The following HS6ST3 variants were observed in gnomAD, a reference collection of about 807,000 sequenced individuals.
HS6ST3 encodes heparan-sulfate 6-O-sulfotransferase 3.
In HS6ST3, 12 loss-of-function variants were observed where a neutral mutation model predicts 36.7. That is an observed-to-expected ratio of 0.33 (90% CI 0.21 to 0.53). HS6ST3 has a LOEUF of 0.53. Ranked by LOEUF, HS6ST3 falls within the 20% of genes least tolerant of loss-of-function variation. The pLI is 0.95. For synonymous variants in HS6ST3, 240 were observed against 257.5 expected (o/e 0.93, Z 0.65); for missense variants, 584 against 640.9 (o/e 0.91, Z 0.96).
chr13:96,633,211 A>G (rs2139002003), intron 1 of HS6ST3, among the ~76,000 whole-genome samples: 1 of 152,312 alleles, frequency 6.6e-6, no homozygotes, highest in Non-Finnish European at 1.5e-5. Context: ...AAAGGCAGGA[A>G]CATAAATGGG....
chr13:96,150,544 A>C (rs1382796555), intron 1 of HS6ST3, among the ~76,000 whole-genome samples: 1 of 152,126 alleles, frequency 6.6e-6, no homozygotes, highest in Non-Finnish European at 1.5e-5. Flanking sequence ...AAAAATAGTT[A>C]AATGGAGATA....
intron 1 of HS6ST3, among the ~76,000 whole-genome samples, chr13:96,450,321 A>G (rs2055721410): frequency 6.6e-6 from 1 of 152,080 alleles, no homozygotes; most frequent in Non-Finnish European, 1.5e-5. Context: ...AGGAACTTTT[A>G]TGATTTGTTT....
chr13:96,352,958 G>C (rs1475234558), intron 1 of HS6ST3, among the ~76,000 whole-genome samples: 2 of 151,800 alleles, frequency 1.3e-5, no homozygotes, highest in Non-Finnish European at 2.9e-5. Context: ...GCAGAGCCAG[G>C]ACTTGAACCC....
chr13:96,376,641 C>T (rs1178721908), intron 1 of HS6ST3, among the ~76,000 whole-genome samples: 1 of 152,106 alleles, frequency 6.6e-6, no homozygotes, highest in Non-Finnish European at 1.5e-5. Flanking sequence ...TTATCTATGA[C>T]CTGCAGTAAG....
intron 1 of HS6ST3, among the ~76,000 whole-genome samples, chr13:96,363,162 G>A (rs1306584029): frequency 6.6e-6 from 1 of 152,044 alleles, no homozygotes; most frequent in African/African-American, 2.4e-5. Flanking sequence ...ACACACACGA[G>A]TGCTTGCAAA....
Position 96,654,933 on chromosome 13 carries a change from T to A in HS6ST3, c.708-177557T>A, listed in dbSNP as rs115683402. On this transcript the variant is annotated intron_variant, in intron 1 of 1. Coordinates refer to ENST00000376705, the MANE Select transcript of HS6ST3 (RefSeq NM_153456.4). ...ATTAGAAAAGAGCCTGGAGTTAATG[T>A]GTCTGAGGTGGATATTTATCCTGAC... 5.4e-3 allele frequency among the ~76,000 whole-genome samples: 825 copies of A among 152,206 alleles called. 5 individuals carry two copies. The highest frequency in any genetic ancestry group is 0.019 in the African/African-American group (778 of 41,556).
intron 1 of HS6ST3, among the ~76,000 whole-genome samples, chr13:96,340,840 C>T (rs1014552627): frequency 1.3e-5 from 2 of 152,320 alleles, no homozygotes; most frequent in East Asian, 1.9e-4. Flanking sequence ...AACCAATATT[C>T]ACCCCAAAAA....
At chr13:96,808,519 A>T (rs1384922229) in intron 1 of HS6ST3, among the ~76,000 whole-genome samples, 2 of 152,214 alleles carry the variant, frequency 1.3e-5, no homozygotes, top group Admixed American at 6.5e-5. Flanking sequence ...AGATGAGGCT[A>T]GCTAGCCCCA....
chr13:96,177,103 T>C (rs1340901261), intron 1 of HS6ST3, among the ~76,000 whole-genome samples: 1 of 152,080 alleles, frequency 6.6e-6, no homozygotes, highest in East Asian at 1.9e-4. Flanking sequence ...TGGCTATTAT[T>C]AAAAAGTTGA....
intron 1 of HS6ST3, among the ~76,000 whole-genome samples, chr13:96,282,956 A>G (rs898450591): frequency 1.3e-5 from 2 of 152,208 alleles, no homozygotes; most frequent in Admixed American, 6.5e-5. Context: ...CCTAAGAGCA[A>G]CATTGTTAGC....
At chr13:96,494,794 G>A (rs2055966578) in intron 1 of HS6ST3, among the ~76,000 whole-genome samples, 1 of 152,100 alleles carries the variant, frequency 6.6e-6, no homozygotes, top group Non-Finnish European at 1.5e-5. Context: ...AACAGGTGAT[G>A]GAATAAAACT....
chr13:96,377,318 A>T (rs1321103376), intron 1 of HS6ST3, among the ~76,000 whole-genome samples: 1 of 151,922 alleles, frequency 6.6e-6, no homozygotes, highest in Non-Finnish European at 1.5e-5. Context: ...ACACCACTGC[A>T]CTTCAGCCTG....
intron 1 of HS6ST3, among the ~76,000 whole-genome samples, chr13:96,730,841 C>T (rs1159589816): frequency 6.6e-6 from 1 of 152,076 alleles, no homozygotes; most frequent in African/African-American, 2.4e-5. Context: ...TCAAGCAATC[C>T]TCCCACCTCA....
chr13:96,766,367 G>T (rs1594855207), intron 1 of HS6ST3, among the ~76,000 whole-genome samples: 1 of 152,140 alleles, frequency 6.6e-6, no homozygotes, highest in Non-Finnish European at 1.5e-5. Flanking sequence ...TGTGCTAATT[G>T]TCTTTTGCTT....
intron 1 of HS6ST3, among the ~76,000 whole-genome samples, chr13:96,453,477 T>TAA (rs2055740035): frequency 1.3e-5 from 2 of 152,174 alleles, no homozygotes; most frequent in Non-Finnish European, 2.9e-5. Context: ...CTTGAAAGAT[T>TAA]AGGCCAGCAC....
intron 1 of HS6ST3, among the ~76,000 whole-genome samples, chr13:96,716,036 A>G (rs1875687512): frequency 6.6e-6 from 1 of 152,082 alleles, no homozygotes; most frequent in Non-Finnish European, 1.5e-5. Context: ...ATCAAAATTA[A>G]TAAAGACTAT....
intron 1 of HS6ST3, among the ~76,000 whole-genome samples, chr13:96,688,810 T>C (rs1470673581): frequency 2.0e-5 from 3 of 152,056 alleles, no homozygotes; most frequent in Non-Finnish European, 4.4e-5. Flanking sequence ...CCCAGTGTGG[T>C]TAGAGTACAC....
intron 1 of HS6ST3, among the ~76,000 whole-genome samples, chr13:96,452,281 T>C (rs1358713534): frequency 6.6e-6 from 1 of 152,168 alleles, no homozygotes; most frequent in Non-Finnish European, 1.5e-5. Context: ...TTTGGAACAA[T>C]ATTGAGTTTG....
intron 1 of HS6ST3, among the ~76,000 whole-genome samples, chr13:96,185,378 A>G (rs1263066311): frequency 6.6e-6 from 1 of 152,210 alleles, no homozygotes; most frequent in African/African-American, 2.4e-5. Flanking sequence ...GACCAAGTGA[A>G]GTAGGTATGA....
Sources: gnomAD v4.1 joint callset for allele counts (sites outside exome capture counted in the v4.1 genomes callset) on GRCh38, gnomAD v4.1.1 for gene constraint, MANE v1.5 for transcripts, NCBI Gene and HGNC (gene_info 2026-07-23, HGNC 2026-07-21) for gene names.